Variants in SUCLA2 observed in about 807,000 individuals in gnomAD.
SUCLA2 encodes the protein succinate-CoA ligase ADP-forming subunit beta.
A neutral mutation model predicts 54.8 loss-of-function variants in SUCLA2; 30 were observed. That is an observed-to-expected ratio of 0.55 (90% CI 0.41 to 0.74). The LOEUF is 0.74. SUCLA2 is among the 30% of genes least tolerant of loss of function. The probability of loss-of-function intolerance (pLI) is 0.00; values close to 1 mark genes in which losing one functional copy is unlikely to be tolerated. For synonymous variants in SUCLA2, 172 were observed against 188.9 expected, an observed-to-expected ratio of 0.91 and a Z score of 0.74; for missense variants, 476 against 562.9, an observed-to-expected ratio of 0.85 and a Z score of 1.56.
chr13:47,990,709 G>T (rs906654741), intron 2 of SUCLA2, among the ~76,000 whole-genome samples: 1 of 152,110 alleles, frequency 6.6e-6, no homozygotes, highest in Admixed American at 6.5e-5. Flanking sequence ...GACTGAAGTA[G>T]AGTCCTCTAC....
chr13:47,943,135 A>G lies in SUCLA2; in HGVS notation c.*236T>C, dbSNP rs565324424. ...GCAAGTTACGTTTTGTAGGAGAAGC[A>G]AAAAAGACTGGCTGCGACAAAAGAA... On this transcript the variant is annotated 3_prime_UTR_variant, in exon 11 of 11. Coordinates refer to ENST00000646932, the MANE Select transcript of SUCLA2 (RefSeq NM_003850.3). 1.9e-5 allele frequency: 9 copies of G among 482,298 alleles called. No homozygotes were observed. The highest frequency in any genetic ancestry group is 3.0e-5 in the Non-Finnish European group (8 of 268,194). 29.9% of individuals were successfully genotyped at this position (482,298 alleles called of 1,614,324 possible). A position where few individuals can be genotyped will look rare whatever the true frequency, so the allele number is the denominator to read the frequency against.
intron 4 of SUCLA2, among the ~76,000 whole-genome samples, chr13:47,979,874 C>T (rs1950047236): frequency 6.6e-6 from 1 of 151,928 alleles, no homozygotes; most frequent in Admixed American, 6.6e-5. Flanking sequence ...TGTAGAAATC[C>T]CTAAAGATTC....
chr13:47,973,039 C>T (rs1593491240), intron 5 of SUCLA2, among the ~76,000 whole-genome samples: 1 of 151,804 alleles, frequency 6.6e-6, no homozygotes, highest in African/African-American at 2.4e-5. Flanking sequence ...CGTGAGACAC[C>T]GTGCCCGGCC....
intron 4 of SUCLA2, among the ~76,000 whole-genome samples, chr13:47,976,342 T>C (rs1414660442): frequency 2.6e-5 from 4 of 152,046 alleles, no homozygotes; most frequent in Non-Finnish European, 5.9e-5. Flanking sequence ...GAAAAGCCAT[T>C]TCATTTTATC....
intron 8 of SUCLA2, among the ~76,000 whole-genome samples, chr13:47,953,772 T>C (rs776354887): frequency 5.3e-5 from 8 of 151,616 alleles, no homozygotes; most frequent in Non-Finnish European, 1.0e-4. Context: ...TTGTAAGCCT[T>C]ACAAAATCTA....
chr13:47,951,088 A>G (rs960287354), intron 8 of SUCLA2, among the ~76,000 whole-genome samples: 5 of 152,106 alleles, frequency 3.3e-5, no homozygotes, highest in Admixed American at 6.6e-5. Context: ...CTCCAGCCTT[A>G]AAGTTCTTGG....
chr13:47,980,133 C>T (rs1432140734), intron 4 of SUCLA2, among the ~76,000 whole-genome samples: 1 of 152,136 alleles, frequency 6.6e-6, no homozygotes, highest in African/African-American at 2.4e-5. Context: ...AAGACACAAA[C>T]AGGCAGGGCG....
intron 5 of SUCLA2, among the ~76,000 whole-genome samples, 161 bp downstream of exon 5, chr13:47,973,103 T>G (rs540902732): frequency 6.6e-6 from 1 of 152,242 alleles, no homozygotes. Context: ...TATGAAAAAA[T>G]TGTAAATAAT....
intron 3 of SUCLA2, 58 bp from the exon 4 acceptor site, chr13:47,988,761 C>T (rs991643333): frequency 5.0e-6 from 8 of 1,605,452 alleles, no homozygotes; most frequent in Non-Finnish European, 5.1e-6. Context: ...AAAGCAAATC[C>T]ACATAATAGC....
intron 1 of SUCLA2, among the ~76,000 whole-genome samples, chr13:47,998,468 A>T (rs1230885953): frequency 1.3e-5 from 2 of 152,198 alleles, no homozygotes; most frequent in Non-Finnish European, 2.9e-5. Context: ...GAGCAGGCTT[A>T]TTTATAACAG....
chr13:47,998,455 C>G (rs769524576), intron 1 of SUCLA2, among the ~76,000 whole-genome samples: 3 of 151,990 alleles, frequency 2.0e-5, no homozygotes, highest in Admixed American at 2.0e-4. Flanking sequence ...TCTAGAGTGT[C>G]CAGAGCAGGC....
chr13:47,973,466 T>G, intron 4 of SUCLA2, 74 bp from the exon 5 acceptor site: 1 of 1,532,500 alleles, frequency 6.5e-7, no homozygotes, highest in South Asian at 1.1e-5. Flanking sequence ...AACCTACCCG[T>G]GCATAATATC....
chr13:47,949,344 A>C, intron 9 of SUCLA2, 139 bp downstream of exon 9: 1 of 1,074,976 alleles, frequency 9.3e-7, no homozygotes, highest in Non-Finnish European at 1.4e-6. Context: ...ATGTTTTAAA[A>C]ACTATAGTTT....
chr13:47,950,794 A>T (rs903586974), intron 8 of SUCLA2, among the ~76,000 whole-genome samples: 5 of 152,132 alleles, frequency 3.3e-5, no homozygotes, highest in Non-Finnish European at 7.4e-5. Context: ...GGGCAGCAGG[A>T]GCCTCAGGGC....
At chr13:47,984,948 A>G (rs139347815) in intron 4 of SUCLA2, among the ~76,000 whole-genome samples, 1 of 146,580 alleles carries the variant, frequency 6.8e-6, no homozygotes, top group East Asian at 2.0e-4. Flanking sequence ...GAAAAATAAA[A>G]GTAGTAAATG....
Position 47,973,404 on chromosome 13 carries a change from A to C in SUCLA2, c.535-12T>G. 1 of 1,612,518 alleles carries C rather than the reference A, an allele frequency of 6.2e-7. No homozygotes were observed. Among genetic ancestry groups the C allele is most frequent in the Non-Finnish European group, 8.5e-7 (1 of 1,179,712 alleles). On this transcript the variant is annotated splice_polypyrimidine_tract_variant and intron_variant, in intron 4 of 10. Transcript: ENST00000646932. ...ATTAATACAGGACCCTGGCAAGGGA[A>C]GTAAACAACCAAAACTCTAGATTTA...
chr13:47,972,668 T>TAAAA (rs34866956), intron 5 of SUCLA2, among the ~76,000 whole-genome samples: 2 of 125,514 alleles, frequency 1.6e-5, no homozygotes, highest in Non-Finnish European at 3.3e-5. Context: ...GACTCCGTCT[T>TAAAA]AAAAAAAAAA....
intron 6 of SUCLA2, among the ~76,000 whole-genome samples, chr13:47,960,569 G>C (rs1949862353): frequency 6.6e-6 from 1 of 151,934 alleles, no homozygotes; most frequent in Non-Finnish European, 1.5e-5. Flanking sequence ...CTGTGATGTG[G>C]GTACAAAGTT....
chr13:47,992,344 T>G (rs1169338589), intron 2 of SUCLA2, among the ~76,000 whole-genome samples: 1 of 129,814 alleles, frequency 7.7e-6, no homozygotes, highest in Non-Finnish European at 1.7e-5. Context: ...AAGATGATTC[T>G]TCGAAAGTTC....
Sources: gnomAD v4.1 joint callset for allele counts (sites outside exome capture counted in the v4.1 genomes callset) on GRCh38, gnomAD v4.1.1 for gene constraint, MANE v1.5 for transcripts, NCBI Gene and HGNC (gene_info 2026-07-23, HGNC 2026-07-21) for gene names.